KCNU1: variants seen among roughly 807,000 people sequenced by gnomAD.
KCNU1 encodes the protein potassium channel subfamily U member 1.
In KCNU1, 93 loss-of-function variants were observed where a neutral mutation model predicts 126.8. That is an observed-to-expected ratio of 0.73 (90% CI 0.62 to 0.87). The LOEUF is 0.87. KCNU1 is among the 40% of genes least tolerant of loss of function. KCNU1 has a pLI of 0.00. For missense variants in KCNU1, 1,330 were observed against 1,367.1 expected (o/e 0.97, Z 0.43); for synonymous variants, 523 against 494.2 (o/e 1.06, Z -0.77).
chr8:36,854,486 T>G (rs1255831701), intron 18 of KCNU1, among the ~76,000 whole-genome samples: 2 of 151,214 alleles, frequency 1.3e-5, no homozygotes, highest in Non-Finnish European at 2.9e-5. Flanking sequence ...TTTTTTTTTT[T>G]GCATGCTCAA....
In KCNU1 at chr8:36,879,287, G is replaced by A. The variant is rs1489585134; in HGVS notation, c.2009+14766G>A. Among the ~76,000 whole-genome samples the A allele has an allele frequency of 3.1e-5, 4 of 127,020 alleles. No homozygotes were observed. In the South Asian group the frequency reaches 1.0e-3, roughly 32 times the overall value. The allele number at this position is 127,020 out of a possible 152,430, so 83.3% of individuals were successfully genotyped here. A position where few individuals can be genotyped will look rare whatever the true frequency, so the allele number is the denominator to read the frequency against. On this transcript the variant is annotated intron_variant, in intron 19 of 26. Coordinates refer to ENST00000399881, the MANE Select transcript of KCNU1 (RefSeq NM_001031836.3). Reference sequence around the variant, plus strand: ...GAGATATATAAAAATATATTTTTAGGTTATATATATACCCATATATGCTGT... The same window carrying A: ...GAGATATATAAAAATATATTTTTAGATTATATATATACCCATATATGCTGT...
intron 11 of KCNU1, among the ~76,000 whole-genome samples, chr8:36,834,521 C>A (rs1001020154): frequency 1.3e-5 from 2 of 152,150 alleles, no homozygotes; most frequent in Non-Finnish European, 2.9e-5. Flanking sequence ...AAAAATATAA[C>A]GCCTTATTTT....
intron 14 of KCNU1, among the ~76,000 whole-genome samples, chr8:36,838,663 C>T (rs1157019260): frequency 6.6e-6 from 1 of 152,148 alleles, no homozygotes; most frequent in Non-Finnish European, 1.5e-5. Context: ...CGCCACTCCA[C>T]TCCAGCCTCA....
intron 19 of KCNU1, chr8:36,889,163 G>T: frequency 1.9e-6 from 1 of 534,360 alleles, no homozygotes; most frequent in Non-Finnish European, 3.8e-6. Flanking sequence ...ACAGGTATGA[G>T]CCATATGCCC....
At chr8:36,825,991 T>C (rs1451583047) in intron 10 of KCNU1, among the ~76,000 whole-genome samples, 2 of 152,068 alleles carry the variant, frequency 1.3e-5, no homozygotes, top group East Asian at 3.9e-4. Context: ...CTATGATGTG[T>C]ATAGGTTTGA....
Position 36,852,255 on chromosome 8 carries a change from T to G in KCNU1, c.1891+6356T>G, listed in dbSNP as rs556017166. ...ATAGAATAGAATCTTTTTTATACAT[T>G]GTTGGGTTTGATTTGCTAGCATTTT... On this transcript the variant is annotated intron_variant, in intron 18 of 26. Transcript: ENST00000399881. Among the ~76,000 whole-genome samples, 4 of 152,294 alleles carry G rather than the reference T, an allele frequency of 2.6e-5. No homozygotes were observed. In the South Asian group the frequency reaches 8.3e-4, roughly 32 times the overall value.
chr8:36,930,406 A>G (rs187202049), intron 24 of KCNU1, among the ~76,000 whole-genome samples: 2 of 152,274 alleles, frequency 1.3e-5, no homozygotes, highest in Non-Finnish European at 1.5e-5. Flanking sequence ...TTTCTAAAGT[A>G]TAATGAGAGC....
intron 24 of KCNU1, chr8:36,929,089 A>G (rs1198382989): frequency 8.8e-6 from 6 of 680,276 alleles, no homozygotes; most frequent in Non-Finnish European, 1.6e-5. Context: ...ACTGTTGCTG[A>G]AAAAACAATC....
At chr8:36,863,127 T>C (rs545688610) in intron 18 of KCNU1, among the ~76,000 whole-genome samples, 1 of 152,332 alleles carries the variant, frequency 6.6e-6, no homozygotes, top group South Asian at 2.1e-4. Flanking sequence ...CCAAAGGATG[T>C]CCTTCTTCTT....
chr8:36,839,357 A>G (rs1804867962), intron 14 of KCNU1, among the ~76,000 whole-genome samples: 1 of 152,140 alleles, frequency 6.6e-6, no homozygotes, highest in South Asian at 2.1e-4. Context: ...TCCCCACGCT[A>G]TCATTTTTTA....
intron 19 of KCNU1, among the ~76,000 whole-genome samples, chr8:36,893,136 T>G (rs1807038609): frequency 8.2e-6 from 1 of 121,620 alleles, no homozygotes; most frequent in East Asian, 2.4e-4. Flanking sequence ...TACTTTTTGT[T>G]TTTTTTTGTT....
chr8:36,834,404 T>A (rs1804671605), intron 11 of KCNU1, among the ~76,000 whole-genome samples: 1 of 152,218 alleles, frequency 6.6e-6, no homozygotes, highest in South Asian at 2.1e-4. Flanking sequence ...AGACTCCCAG[T>A]TCCTCTGTTT....
At chr8:36,809,908 C>T (rs985744148) in intron 7 of KCNU1, among the ~76,000 whole-genome samples, 8 of 152,054 alleles carry the variant, frequency 5.3e-5, no homozygotes, top group African/African-American at 7.2e-5. Context: ...TTTTGTCACT[C>T]GCTGACTTTT....
intron 19 of KCNU1, among the ~76,000 whole-genome samples, chr8:36,879,682 G>A (rs1369812456): frequency 6.6e-6 from 1 of 152,118 alleles, no homozygotes; most frequent in Non-Finnish European, 1.5e-5. Flanking sequence ...TCTGTGATCT[G>A]TAGGAATAAG....
At chr8:36,848,444 C>T (rs550463209) in intron 18 of KCNU1, among the ~76,000 whole-genome samples, 7 of 152,244 alleles carry the variant, frequency 4.6e-5, no homozygotes, top group Admixed American at 6.5e-5. Context: ...TAATCCATTT[C>T]GAGCTAATTT....
chr8:36,790,998 GAAAA>G (rs199547680), intron 2 of KCNU1, among the ~76,000 whole-genome samples: 1 of 134,916 alleles, frequency 7.4e-6, no homozygotes. Flanking sequence ...TAGGAAGATG[GAAAA>G]AAAAAAAAAG....
chr8:36,928,898 T>G, intron 24 of KCNU1: 2 of 628,914 alleles, frequency 3.2e-6, no homozygotes. Flanking sequence ...CCATATATTC[T>G]GATCCAGGAG....
At chr8:36,889,299 A>C (rs1025625963) in intron 19 of KCNU1, 2 of 525,356 alleles carry the variant, frequency 3.8e-6, no homozygotes, top group African/African-American at 1.9e-5. Flanking sequence ...TTTAGAAATT[A>C]AAAGATGTTA....
Position 36,824,538 on chromosome 8 carries a change from G to T in KCNU1, c.1106+6778G>T, listed in dbSNP as rs540667637. ...TATCTGTGGTTTCAGGCATCCCCTG[G>T]GGGTCTTGGAATGTATCCCCTTTGG... On this transcript the variant is annotated intron_variant, in intron 10 of 26. Transcript: ENST00000399881. Among the ~76,000 whole-genome samples, 77 of 152,218 alleles carry T rather than the reference G, an allele frequency of 5.1e-4. 1 individual carries two copies. Among genetic ancestry groups the T allele is most frequent in the African/African-American group, 1.9e-3 (77 of 41,540 alleles).
Sources: gnomAD v4.1 joint callset for allele counts (sites outside exome capture counted in the v4.1 genomes callset) on GRCh38, gnomAD v4.1.1 for gene constraint, MANE v1.5 for transcripts, NCBI Gene and HGNC (gene_info 2026-07-23, HGNC 2026-07-21) for gene names.